The following CSMD1 variants were observed in gnomAD, a reference collection of about 807,000 sequenced individuals.
CSMD1 encodes the protein CUB and sushi domain-containing protein 1.
In CSMD1, 213 loss-of-function variants were observed where a neutral mutation model predicts 417.5. The ratio of observed to expected loss-of-function variants is 0.51; its 90% CI spans 0.46 to 0.57. The LOEUF (loss-of-function observed/expected upper bound fraction) is 0.57. CSMD1 is among the 20% of genes least tolerant of loss of function. The pLI, the probability that CSMD1 is intolerant of heterozygous loss-of-function variation, is 0.00. For missense variants in CSMD1, 6,923 were observed against 4,529.7 expected, an observed-to-expected ratio of 1.53 and a Z score of -15.17; for synonymous variants, 2,862 against 1,736.8, an observed-to-expected ratio of 1.65 and a Z score of -16.11.
intron 5 of CSMD1, among the ~76,000 whole-genome samples, chr8:3,905,979 T>A (rs886965693): frequency 6.6e-6 from 1 of 152,318 alleles, no homozygotes; most frequent in East Asian, 1.9e-4. Flanking sequence ...AAACCTGTTC[T>A]TTTACCAGAT....
chr8:3,981,807 G>C (rs957018905), intron 5 of CSMD1, among the ~76,000 whole-genome samples: 1 of 152,190 alleles, frequency 6.6e-6, no homozygotes, highest in East Asian at 1.9e-4. Flanking sequence ...GCAGTTAGCA[G>C]AGCCTCACTT....
chr8:4,325,889 A>G (rs1166793691), intron 3 of CSMD1, among the ~76,000 whole-genome samples: 2 of 152,154 alleles, frequency 1.3e-5, no homozygotes, highest in Non-Finnish European at 1.5e-5. Context: ...GTATATGCAC[A>G]TGGTCAGAAT....
chr8:4,576,497 T>G (rs1799142689), intron 2 of CSMD1, among the ~76,000 whole-genome samples: 1 of 152,224 alleles, frequency 6.6e-6, no homozygotes, highest in South Asian at 2.1e-4. Context: ...ATACAGTTTC[T>G]AATAAGTAAC....
At chr8:4,680,691 C>G (rs539345481) in intron 1 of CSMD1, among the ~76,000 whole-genome samples, 1 of 151,916 alleles carries the variant, frequency 6.6e-6, no homozygotes, top group Non-Finnish European at 1.5e-5. Flanking sequence ...GTGACTCTCC[C>G]GCCTCAGCCT....
At chr8:4,808,937 A>G (rs1413291901) in intron 1 of CSMD1, among the ~76,000 whole-genome samples, 1 of 152,214 alleles carries the variant, frequency 6.6e-6, no homozygotes, top group Non-Finnish European at 1.5e-5. Flanking sequence ...CAGAGATAGA[A>G]ATCATTCTTC....
chr8:4,486,266 T>C (rs1161769751), intron 2 of CSMD1, among the ~76,000 whole-genome samples: 6 of 138,864 alleles, frequency 4.3e-5, no homozygotes, highest in Non-Finnish European at 6.1e-5. Flanking sequence ...TATATATATA[T>C]ATATATATAT....
intron 6 of CSMD1, among the ~76,000 whole-genome samples, chr8:3,733,762 T>C (rs901937806): frequency 7.2e-5 from 11 of 152,196 alleles, no homozygotes; most frequent in Non-Finnish European, 1.5e-4. Context: ...CTTATTTTAC[T>C]TGTACTTAAT....
chr8:3,858,400 G>C (rs570045680), intron 5 of CSMD1, among the ~76,000 whole-genome samples: 23 of 152,108 alleles, frequency 1.5e-4, no homozygotes, highest in Admixed American at 1.5e-3. Context: ...TGAATTCTAT[G>C]CTGTTTCTTA....
intron 3 of CSMD1, among the ~76,000 whole-genome samples, chr8:4,234,137 A>T (rs1382729010): frequency 2.6e-5 from 4 of 152,190 alleles, no homozygotes. Flanking sequence ...ATGGAAGATT[A>T]TTCTTCATAG....
rs80043506 is a variant in CSMD1 at position 3,216,574 on chromosome 8, G to C, written c.4673-1883C>G. Reference sequence around the variant, plus strand: ...CCACTAATTTTGATTTCTGATGGCAGGATTTTTTCCCAATGGACTGCATCT... The same window carrying C: ...CCACTAATTTTGATTTCTGATGGCACGATTTTTTCCCAATGGACTGCATCT... On this transcript the variant is annotated intron_variant, in intron 29 of 69. Transcript: ENST00000635120. Among the ~76,000 whole-genome samples the C allele has an allele frequency of 4.3e-3, 653 of 152,276 alleles. 8 individuals are homozygous for C. The highest frequency in any genetic ancestry group is 0.015 in the African/African-American group (609 of 41,554).
chr8:3,255,406 G>T (rs758205831), intron 26 of CSMD1, among the ~76,000 whole-genome samples: 1 of 152,108 alleles, frequency 6.6e-6, no homozygotes, highest in East Asian at 1.9e-4. Context: ...TGTCAGACAG[G>T]GACATTTCAG....
At chr8:3,716,097 C>T (rs578152016) in intron 6 of CSMD1, among the ~76,000 whole-genome samples, 18 of 152,338 alleles carry the variant, frequency 1.2e-4, no homozygotes, top group African/African-American at 4.1e-4. Context: ...CTCCTGAAAG[C>T]ACTTTCTGCC....
rs1167352956 is a variant in CSMD1 at position 3,838,981 on chromosome 8, T to TTA, written c.819-84941_819-84940dup. On this transcript the variant is annotated intron_variant, in intron 5 of 69. Coordinates refer to ENST00000635120, the MANE Select transcript of CSMD1 (RefSeq NM_033225.6). ...ATAAATTAATATTATATATAATATA[T>TTA]TATATATCATATAATTATAATATTA... Among the ~76,000 whole-genome samples, 8 of 125,292 alleles carry TTA rather than the reference T, an allele frequency of 6.4e-5. No homozygotes were observed. The East Asian group carries it at 1.9e-3, about 30-fold the overall frequency. The allele number at this position is 125,292 out of a possible 152,430, so 82.2% of individuals were successfully genotyped here.
At chr8:4,507,959 T>G (rs1165827081) in intron 2 of CSMD1, among the ~76,000 whole-genome samples, 1 of 152,032 alleles carries the variant, frequency 6.6e-6, no homozygotes, top group African/African-American at 2.4e-5. Context: ...GGGACCCTCA[T>G]AGTAGAGACA....
intron 5 of CSMD1, among the ~76,000 whole-genome samples, chr8:3,979,276 T>C (rs559757809): frequency 2.5e-4 from 38 of 152,314 alleles, no homozygotes; most frequent in Admixed American, 4.6e-4. Context: ...CGGATTGCAA[T>C]GTGCTCTAAT....
At chr8:3,776,554 A>G (rs1204431446) in intron 5 of CSMD1, among the ~76,000 whole-genome samples, 2 of 152,102 alleles carry the variant, frequency 1.3e-5, no homozygotes, top group African/African-American at 4.8e-5. Flanking sequence ...AGAATGCCAG[A>G]TATTCTCAAA....
chr8:4,400,684 A>G (rs1169236956), intron 3 of CSMD1, among the ~76,000 whole-genome samples: 3 of 150,988 alleles, frequency 2.0e-5, no homozygotes, highest in African/African-American at 7.3e-5. Context: ...GTTCAGGCTA[A>G]TTTGCCTTTT....
chr8:3,398,078 A>G (rs1422690814), intron 16 of CSMD1, among the ~76,000 whole-genome samples: 1 of 152,212 alleles, frequency 6.6e-6, no homozygotes, highest in Non-Finnish European at 1.5e-5. Flanking sequence ...TGAGATTGGG[A>G]AAAATCAAGC....
At chr8:3,618,341 G>C (rs973146778) in intron 7 of CSMD1, among the ~76,000 whole-genome samples, 1 of 152,150 alleles carries the variant, frequency 6.6e-6, no homozygotes, top group South Asian at 2.1e-4. Flanking sequence ...GAATAAATTT[G>C]GGTAACATAA....
Sources: allele counts gnomAD v4.1 joint callset (sites outside exome capture counted in the v4.1 genomes callset), GRCh38; gene constraint gnomAD v4.1.1; transcripts MANE v1.5; gene names NCBI Gene and HGNC (gene_info 2026-07-23, HGNC 2026-07-21).